The following GNAZ variants were observed in gnomAD, a reference collection of about 807,000 sequenced individuals.
GNAZ encodes the protein guanine nucleotide-binding protein G(z) subunit alpha.
GNAZ carries 3 observed loss-of-function variants against 25.4 expected under a neutral mutation model. That is an observed-to-expected ratio of 0.12 (90% CI 0.05 to 0.30). The LOEUF (loss-of-function observed/expected upper bound fraction) is 0.30. Among genes scored for constraint, GNAZ ranks in the 10% least tolerant of loss-of-function variants. The probability of loss-of-function intolerance (pLI) is 1.00; values close to 1 mark genes in which losing one functional copy is unlikely to be tolerated. For synonymous variants in GNAZ, 211 were observed against 205.7 expected, an observed-to-expected ratio of 1.03 and a Z score of -0.22; for missense variants, 241 against 501.8, an observed-to-expected ratio of 0.48 and a Z score of 4.97.
chr22:23,074,973 G>A (rs1399642270), intron 1 of GNAZ, among the ~76,000 whole-genome samples: 1 of 152,182 alleles, frequency 6.6e-6, no homozygotes, highest in Admixed American at 6.5e-5. Context: ...TTTGAGACCA[G>A]CCTGAGCAAC....
chr22:23,124,332 G>A lies in GNAZ; in HGVS notation c.*901G>A, dbSNP rs1169791980. 1 of 393,592 alleles carries A rather than the reference G, an allele frequency of 2.5e-6. No homozygotes were observed. The highest frequency in any genetic ancestry group is 8.1e-5 in the East Asian group (1 of 12,350). The allele number at this position is 393,592 out of a possible 1,614,324, so 24.4% of individuals were successfully genotyped here. A position where few individuals can be genotyped will look rare whatever the true frequency, so the allele number is the denominator to read the frequency against. On this transcript the variant is annotated 3_prime_UTR_variant, in exon 3 of 3. Coordinates refer to ENST00000615612, the MANE Select transcript of GNAZ (RefSeq NM_002073.4). The stretch of plus-strand genomic sequence containing the variant: ...ATTTTCAAAACATATTTTTTTTCAG[G>A]TGGTCTTTTTTGTGTCTGGCTTGCT...
In GNAZ at chr22:23,124,288, T is replaced by C. The variant is rs538840077; in HGVS notation, c.*857T>C. On this transcript the variant is annotated 3_prime_UTR_variant, in exon 3 of 3. Coordinates refer to ENST00000615612, the MANE Select transcript of GNAZ (RefSeq NM_002073.4). ...CCAGAAAATTTCAAATGCAGTTGAG[T>C]ATTCTTTTTTAAATGCAGATTTTCA... is the stretch of plus-strand genomic sequence containing the variant. The C allele has an allele frequency of 7.7e-6, 2 of 260,778 alleles. No homozygotes were observed. The highest frequency in any genetic ancestry group is 1.8e-5 in the Non-Finnish European group (2 of 111,658). The allele number at this position is 260,778 out of a possible 1,614,324, so 16.2% of individuals were successfully genotyped here.
At chr22:23,085,668 C>A (rs903585244) in intron 1 of GNAZ, among the ~76,000 whole-genome samples, 1 of 152,196 alleles carries the variant, frequency 6.6e-6, no homozygotes, top group Non-Finnish European at 1.5e-5. Flanking sequence ...CCTTCAACAC[C>A]AGTACCAGTG....
intron 1 of GNAZ, among the ~76,000 whole-genome samples, chr22:23,075,944 C>T (rs2068496441): frequency 6.6e-6 from 1 of 152,160 alleles, no homozygotes; most frequent in Non-Finnish European, 1.5e-5. Flanking sequence ...GTCATGGAGG[C>T]CAAGGTCCTC....
intron 1 of GNAZ, among the ~76,000 whole-genome samples, chr22:23,084,264 AG>A (rs1035098720): frequency 5.9e-5 from 9 of 152,214 alleles, no homozygotes; most frequent in Admixed American, 1.3e-4. Flanking sequence ...ATTGAGTAGA[AG>A]CCTTACTTTG....
At chr22:23,114,221 A>G (rs1225509971) in intron 2 of GNAZ, among the ~76,000 whole-genome samples, 8 of 151,442 alleles carry the variant, frequency 5.3e-5, no homozygotes, top group African/African-American at 1.9e-4. Flanking sequence ...CATGTCTACA[A>G]CCCCGCCCCA....
At position 23,095,636 on chromosome 22, in the gene GNAZ, T is replaced by C. The variant is rs2069102176; in HGVS notation, c.-60T>C. On this transcript the variant is annotated 5_prime_UTR_variant, in exon 2 of 3. Coordinates refer to ENST00000615612, the MANE Select transcript of GNAZ (RefSeq NM_002073.4). Reference sequence around the variant, plus strand: ...GTCTGCCTGGTCTCAGTGTCCCCTGTGGCAAGAGGGAGAGGTGCCCCATCC... The same window carrying C: ...GTCTGCCTGGTCTCAGTGTCCCCTGCGGCAAGAGGGAGAGGTGCCCCATCC... 1.3e-6 allele frequency: 2 copies of C among 1,537,920 alleles called. No individual in the cohort carries two copies. The highest frequency in any genetic ancestry group is 1.7e-6 in the Non-Finnish European group (2 of 1,144,800).
intron 2 of GNAZ, among the ~76,000 whole-genome samples, chr22:23,100,613 G>C (rs1269829058): frequency 6.6e-6 from 1 of 152,226 alleles, no homozygotes; most frequent in Non-Finnish European, 1.5e-5. Context: ...CCCCACTCCA[G>C]GGCAGGTCAG....
intron 2 of GNAZ, among the ~76,000 whole-genome samples, chr22:23,104,226 G>A (rs550106652): frequency 9.5e-4 from 144 of 152,312 alleles, no homozygotes; most frequent in African/African-American, 3.3e-3. Flanking sequence ...GGCGGTGTAA[G>A]GTCTAAGCAG....
chr22:23,085,928 C>T (rs920238177), intron 1 of GNAZ, among the ~76,000 whole-genome samples: 3 of 152,244 alleles, frequency 2.0e-5, no homozygotes, highest in Non-Finnish European at 4.4e-5. Context: ...AGTTTGGTGC[C>T]AACGTGGCTC....
rs534018314 is a variant in GNAZ at position 23,071,560 on chromosome 22, G to A, written c.-450+990G>A. Among the ~76,000 whole-genome samples, 5 of 152,294 alleles carry A rather than the reference G, an allele frequency of 3.3e-5. 1 individual carries two copies. The highest frequency in any genetic ancestry group is 1.2e-4 in the African/African-American group (5 of 41,562). ...AGGCTCCTTGGCCAAATTCAATTAAGCAAATATTTATTGAGTGGTCACTCC... is the reference window on the plus strand; with the variant it reads ...AGGCTCCTTGGCCAAATTCAATTAAACAAATATTTATTGAGTGGTCACTCC... On this transcript the variant is annotated intron_variant, in intron 1 of 2. Coordinates refer to ENST00000615612, the MANE Select transcript of GNAZ (RefSeq NM_002073.4). This position sits in a 1 kb window ranked among gnomAD's most constrained non-coding sequence, Gnocchi z 4.1.
In GNAZ at chr22:23,095,569, C is replaced by A; in HGVS notation, c.-127C>A. ...GGGCTGCAGTGTGGCTCGGCCTCAC[C>A]CCCCTGCTGGCACTGAGTGCCTCCA... On this transcript the variant is annotated 5_prime_UTR_variant, in exon 2 of 3. Transcript: ENST00000615612. 2 of 1,045,772 alleles carry A rather than the reference C, an allele frequency of 1.9e-6. No individual in the cohort carries two copies. Among genetic ancestry groups the A allele is most frequent in the Non-Finnish European group, 2.7e-6 (2 of 732,266 alleles). The allele number at this position is 1,045,772 out of a possible 1,614,324, so 64.8% of individuals were successfully genotyped here.
At chr22:23,103,753 G>A (rs2069374573) in intron 2 of GNAZ, among the ~76,000 whole-genome samples, 1 of 152,210 alleles carries the variant, frequency 6.6e-6, no homozygotes, top group African/African-American at 2.4e-5. Flanking sequence ...TGTGGGCCCT[G>A]GGCCTGACAA....
intron 1 of GNAZ, among the ~76,000 whole-genome samples, chr22:23,090,323 G>C (rs904127515): frequency 2.6e-5 from 4 of 152,068 alleles, no homozygotes; most frequent in African/African-American, 9.7e-5. Context: ...TCCATCACCA[G>C]GCACTGTGCA....
In GNAZ at chr22:23,074,133, A is replaced by G. The variant is rs1333694851; in HGVS notation, c.-450+3563A>G. 2.0e-5 allele frequency among the ~76,000 whole-genome samples: 3 copies of G among 152,306 alleles called. No individual in the cohort carries two copies. The East Asian group carries it at 5.8e-4, about 29-fold the overall frequency. ...AGGACTCAGTGGGCCCCAATGAGGC[A>G]GGAAGACCTTGGCAGGGTTGGAGCA... On this transcript the variant is annotated intron_variant, in intron 1 of 2. Coordinates refer to ENST00000615612, the MANE Select transcript of GNAZ (RefSeq NM_002073.4).
chr22:23,075,184 G>T (rs950253896), intron 1 of GNAZ, among the ~76,000 whole-genome samples: 1 of 152,150 alleles, frequency 6.6e-6, no homozygotes, highest in Non-Finnish European at 1.5e-5. Flanking sequence ...CCTGCCTGCT[G>T]CCCAGTCCCC....
intron 1 of GNAZ, among the ~76,000 whole-genome samples, chr22:23,091,877 G>A (rs1036227198): frequency 6.6e-6 from 1 of 152,138 alleles, no homozygotes; most frequent in Admixed American, 6.5e-5. Context: ...CTCTCCCTCA[G>A]TCCAGCCACT....
intron 2 of GNAZ, among the ~76,000 whole-genome samples, chr22:23,118,450 T>C (rs1217356899): frequency 1.3e-5 from 2 of 152,166 alleles, no homozygotes; most frequent in Non-Finnish European, 2.9e-5. Context: ...AATGGTGGTG[T>C]GTTTCTGCCT....
chr22:23,094,887 T>C (rs2069079305), intron 1 of GNAZ, among the ~76,000 whole-genome samples: 1 of 152,224 alleles, frequency 6.6e-6, no homozygotes, highest in South Asian at 2.1e-4. Flanking sequence ...GCTCTATCAG[T>C]GCTGTCTGGG....
Sources: gnomAD v4.1 joint callset for allele counts (sites outside exome capture counted in the v4.1 genomes callset) on GRCh38, gnomAD v4.1.1 for gene constraint, Gnocchi (gnomAD v3.1) non-coding constraint, MANE v1.5 for transcripts, NCBI Gene and HGNC (gene_info 2026-07-23, HGNC 2026-07-21) for gene names.